Variants in DKK2 observed in about 807,000 individuals in gnomAD.
DKK2 encodes the protein dickkopf Wnt signaling pathway inhibitor 2.
DKK2 carries 11 observed loss-of-function variants against 28.1 expected under a neutral mutation model. The observed-to-expected ratio is 0.39, with a 90% CI of 0.25 to 0.65. DKK2 has a LOEUF of 0.65. Among genes scored for constraint, DKK2 ranks in the 30% least tolerant of loss-of-function variants. The pLI is 0.47. For missense variants in DKK2, 326 were observed against 335.5 expected (o/e 0.97, Z 0.22); for synonymous variants, 135 against 126.5 (o/e 1.07, Z -0.45).
intron 2 of DKK2, 150 bp from the exon 3 acceptor site, chr4:106,924,850 G>T: frequency 1.2e-6 from 1 of 803,756 alleles, no homozygotes; most frequent in Non-Finnish European, 1.8e-6. Flanking sequence ...CTTATTTATT[G>T]AGACTGAGCA....
In DKK2 at chr4:106,991,641, C is replaced by T. The variant is rs74725073; in HGVS notation, c.222+43729G>A. Among the ~76,000 whole-genome samples the T allele has an allele frequency of 2.8e-3, 419 of 152,296 alleles. 3 individuals carry two copies. Among genetic ancestry groups the T allele is most frequent in the African/African-American group, 9.7e-3 (405 of 41,562 alleles). ...CTTGTTGCTACCTCCAGAACACAGGCCCAATTTGCCACAGTGTTTTCGTTT... is the reference window on the plus strand; with the variant it reads ...CTTGTTGCTACCTCCAGAACACAGGTCCAATTTGCCACAGTGTTTTCGTTT... On this transcript the variant is annotated intron_variant, in intron 1 of 3. Coordinates refer to ENST00000285311, the MANE Select transcript of DKK2 (RefSeq NM_014421.3).
At chr4:106,996,992 A>G (rs750241352) in intron 1 of DKK2, among the ~76,000 whole-genome samples, 5 of 152,108 alleles carry the variant, frequency 3.3e-5, no homozygotes, top group Non-Finnish European at 5.9e-5. Context: ...CAACTCTCAA[A>G]TGTTAAGGAT....
intron 1 of DKK2, among the ~76,000 whole-genome samples, chr4:107,025,709 C>T (rs915331616): frequency 6.6e-6 from 1 of 152,142 alleles, no homozygotes; most frequent in African/African-American, 2.4e-5. Flanking sequence ...AAAAAGTGAG[C>T]AACAACAATA....
rs535782806 is a variant in DKK2, at chr4:106,983,157, G to A, written c.222+52213C>T. Among the ~76,000 whole-genome samples, 12 of 151,858 alleles carry A rather than the reference G, an allele frequency of 7.9e-5. 1 individual carries two copies. The highest frequency in any genetic ancestry group is 7.2e-4 in the Admixed American group (11 of 15,248). ...TCCCTTGAGGTCATAGTAGCAACTA[G>A]GATGATGTCTTAAATATTTATGTGC... is the stretch of plus-strand genomic sequence containing the variant. On this transcript the variant is annotated intron_variant, in intron 1 of 3. Coordinates refer to ENST00000285311, the MANE Select transcript of DKK2 (RefSeq NM_014421.3).
intron 1 of DKK2, among the ~76,000 whole-genome samples, chr4:106,978,613 G>A (rs562043928): frequency 2.9e-4 from 44 of 152,182 alleles, no homozygotes; most frequent in Middle Eastern, 3.4e-3. Flanking sequence ...AGCATACCAG[G>A]TCGACTTCAG....
intron 1 of DKK2, among the ~76,000 whole-genome samples, chr4:106,985,336 GTGA>G (rs1407788208): frequency 6.6e-6 from 1 of 152,050 alleles, no homozygotes; most frequent in East Asian, 1.9e-4. Flanking sequence ...TGGTGATGGT[GTGA>G]TGATGTTTTG....
intron 1 of DKK2, among the ~76,000 whole-genome samples, chr4:106,985,469 C>G (rs1723102887): frequency 6.6e-6 from 1 of 151,884 alleles, no homozygotes; most frequent in South Asian, 2.1e-4. Context: ...TTATTTATTA[C>G]GACTGCATGT....
chr4:106,987,955 C>T (rs1321057472), intron 1 of DKK2, among the ~76,000 whole-genome samples: 1 of 151,468 alleles, frequency 6.6e-6, no homozygotes, highest in Non-Finnish European at 1.5e-5. Flanking sequence ...ACTTCCGCCT[C>T]CCGGGTTCAA....
At chr4:107,003,889 A>T (rs1723399021) in intron 1 of DKK2, among the ~76,000 whole-genome samples, 1 of 152,208 alleles carries the variant, frequency 6.6e-6, no homozygotes, top group Non-Finnish European at 1.5e-5. Context: ...GAGCTCTAGA[A>T]ATTAAGTAAA....
chr4:107,035,586 G>T lies in DKK2; in HGVS notation c.6C>A (p.Ala2=). The T allele has an allele frequency of 6.2e-7, 1 of 1,613,982 alleles. No individual in the cohort carries two copies. ...ACGAATCCTTGCTCCGCATCAACGC[G>T]GCCATCTCCCGGCGAGGGGGTCCCC... M[A]ALMRSKDSSC... Residue 2 remains alanine (A), a synonymous_variant, in exon 1 of 4, where the codon GCC becomes GCA. Coordinates refer to ENST00000285311, the MANE Select transcript of DKK2 (RefSeq NM_014421.3).
At chr4:106,962,119 A>G (rs1007748511) in intron 1 of DKK2, among the ~76,000 whole-genome samples, 1 of 152,200 alleles carries the variant, frequency 6.6e-6, no homozygotes, top group Non-Finnish European at 1.5e-5. Flanking sequence ...ATGTCCTTCA[A>G]TTGTGAATGT....
intron 1 of DKK2, among the ~76,000 whole-genome samples, chr4:106,977,129 C>G (rs1468408157): frequency 6.6e-6 from 1 of 152,162 alleles, no homozygotes; most frequent in Non-Finnish European, 1.5e-5. Flanking sequence ...GTTGGGCTTC[C>G]CTTTGTGGGT....
At chr4:106,927,590 C>T (rs1387396694) in intron 1 of DKK2, among the ~76,000 whole-genome samples, 2 of 152,146 alleles carry the variant, frequency 1.3e-5, no homozygotes, top group Admixed American at 1.3e-4. Flanking sequence ...TTGTTCCACT[C>T]TGTAACTCCA....
At chr4:106,949,072 A>T (rs1724820930) in intron 1 of DKK2, among the ~76,000 whole-genome samples, 1 of 152,116 alleles carries the variant, frequency 6.6e-6, no homozygotes, top group East Asian at 1.9e-4. Flanking sequence ...ATAAATGATG[A>T]TCTGTAAAAT....
At chr4:107,030,085 C>T (rs577455494) in intron 1 of DKK2, among the ~76,000 whole-genome samples, 1 of 151,946 alleles carries the variant, frequency 6.6e-6, no homozygotes, top group South Asian at 2.1e-4. Context: ...GTTAGTGATA[C>T]ATAAACTAAT....
intron 1 of DKK2, among the ~76,000 whole-genome samples, chr4:107,018,980 G>T (rs1723652300): frequency 6.6e-6 from 1 of 151,948 alleles, no homozygotes; most frequent in East Asian, 1.9e-4. Context: ...TTTTTTGTTG[G>T]TGGTGGTTTT....
chr4:107,001,479 A>G (rs1723358409), intron 1 of DKK2, among the ~76,000 whole-genome samples: 1 of 152,206 alleles, frequency 6.6e-6, no homozygotes, highest in Admixed American at 6.5e-5. Context: ...ATATGATGAT[A>G]TTCCTACATT....
At chr4:107,030,875 A>G (rs1375145656) in intron 1 of DKK2, among the ~76,000 whole-genome samples, 1 of 152,028 alleles carries the variant, frequency 6.6e-6, no homozygotes, top group African/African-American at 2.4e-5. Flanking sequence ...TAATCTTAAA[A>G]TTATAAGTTT....
At position 107,035,608 on chromosome 4, in the gene DKK2, C is replaced by T. The variant is rs201053993; in HGVS notation, c.-17G>A. On this transcript the variant is annotated 5_prime_UTR_variant, in exon 1 of 4. Transcript: ENST00000285311. The stretch of plus-strand genomic sequence containing the variant: ...CGCGGCCATCTCCCGGCGAGGGGGT[C>T]CCCAGGAAGACGCAAAGCCCGGAGG... The T allele has an allele frequency of 8.4e-4, 1,351 of 1,612,676 alleles. No homozygotes were observed. Among genetic ancestry groups the T allele is most frequent in the Non-Finnish European group, 1.0e-3 (1,234 of 1,179,700 alleles).
Sources: gnomAD v4.1 joint callset for allele counts (sites outside exome capture counted in the v4.1 genomes callset) on GRCh38, gnomAD v4.1.1 for gene constraint, MANE v1.5 for transcripts, NCBI Gene and HGNC (gene_info 2026-07-23, HGNC 2026-07-21) for gene names.